The following ADAMTS18 variants were observed in gnomAD, a reference collection of about 807,000 sequenced individuals.
The protein encoded by ADAMTS18 is ADAM metallopeptidase with thrombospondin type 1 motif 18.
In ADAMTS18, 157 loss-of-function variants were observed where a neutral mutation model predicts 165.9. The ratio of observed to expected loss-of-function variants is 0.95; its 90% confidence interval spans 0.83 to 1.08. The LOEUF (loss-of-function observed/expected upper bound fraction) is 1.08. ADAMTS18 is among the 50% of genes least tolerant of loss of function. The probability of loss-of-function intolerance (pLI) is 0.00; values close to 1 mark genes in which losing one functional copy is unlikely to be tolerated. For missense variants in ADAMTS18, 2,040 were observed against 1,534.0 expected, an observed-to-expected ratio of 1.33 and a Z score of -5.51; for synonymous variants, 782 against 578.2, an observed-to-expected ratio of 1.35 and a Z score of -5.06.
chr16:77,397,687 G>T (rs1214145934), intron 3 of ADAMTS18, among the ~76,000 whole-genome samples: 1 of 152,240 alleles, frequency 6.6e-6, no homozygotes, highest in East Asian at 1.9e-4. Context: ...TAGCAGACAT[G>T]TGCTTTGTTT....
intron 3 of ADAMTS18, among the ~76,000 whole-genome samples, chr16:77,395,754 AT>A (rs1470155919): frequency 6.6e-6 from 1 of 152,194 alleles, no homozygotes; most frequent in African/African-American, 2.4e-5. Flanking sequence ...TTAAAAAAAA[AT>A]AGTAATAATG....
intron 3 of ADAMTS18, among the ~76,000 whole-genome samples, chr16:77,411,624 C>T (rs1455746660): frequency 1.3e-5 from 2 of 149,816 alleles, no homozygotes; most frequent in African/African-American, 4.9e-5. Flanking sequence ...GGTGAAAAGG[C>T]CTTGTGATGG....
intron 16 of ADAMTS18, among the ~76,000 whole-genome samples, chr16:77,307,566 T>C (rs2055703979): frequency 6.6e-6 from 1 of 152,200 alleles, no homozygotes. Flanking sequence ...CACAAAAGTA[T>C]TTGCCATGAA....
chr16:77,402,062 T>C (rs1005468685), intron 3 of ADAMTS18, among the ~76,000 whole-genome samples: 11 of 152,300 alleles, frequency 7.2e-5, no homozygotes, highest in South Asian at 2.1e-4. Context: ...TCAGCTTCCA[T>C]AGTGGCACGA....
chr16:77,379,583 G>A (rs2057002651), intron 3 of ADAMTS18, among the ~76,000 whole-genome samples: 2 of 152,244 alleles, frequency 1.3e-5, no homozygotes, highest in Non-Finnish European at 2.9e-5. Context: ...CCACCTCCCA[G>A]GTTCAAGCGA....
In ADAMTS18 at chr16:77,297,347, C is replaced by T. The variant is rs762945673; in HGVS notation, c.2743G>A (p.Ala915Thr). ...GGCTCAGTTACTGGCTTGGTTTTTG[C>T]ACTGCAGAATGAGGAATTGACTTGA... ...NTQVNSSFCS[A>T]KTKPVTEPKI... Residue 915 changes from alanine (A) to threonine (T), a missense_variant, in exon 18 of 23, where the codon GCA becomes ACA. By Grantham distance (58) the Ala-to-Thr change is moderately conservative. Transcript: ENST00000282849. The T allele has an allele frequency of 8.7e-6, 14 of 1,613,946 alleles. No homozygotes were observed. In the African/African-American group the frequency reaches 1.6e-4, roughly 18 times the overall value.
At chr16:77,329,873 T>G (rs2056159231) in intron 12 of ADAMTS18, among the ~76,000 whole-genome samples, 1 of 152,308 alleles carries the variant, frequency 6.6e-6, no homozygotes, top group East Asian at 1.9e-4. Context: ...GGCACATGAT[T>G]TTGTCCTTAT....
chr16:77,304,621 C>T (rs2055648762), intron 16 of ADAMTS18, among the ~76,000 whole-genome samples: 1 of 152,098 alleles, frequency 6.6e-6, no homozygotes, highest in South Asian at 2.1e-4. Context: ...GTAAGACCAG[C>T]AATGATCAGA....
At chr16:77,419,239 G>A (rs1273189744) in intron 3 of ADAMTS18, among the ~76,000 whole-genome samples, 2 of 152,144 alleles carry the variant, frequency 1.3e-5, no homozygotes, top group Non-Finnish European at 2.9e-5. Flanking sequence ...GGGTCTTCAG[G>A]ATGTCACCCA....
At chr16:77,391,541 A>T (rs998750101) in intron 3 of ADAMTS18, among the ~76,000 whole-genome samples, 1 of 152,000 alleles carries the variant, frequency 6.6e-6, no homozygotes, top group Non-Finnish European at 1.5e-5. Flanking sequence ...GAACCTGTCA[A>T]TGTCAAATAA....
At chr16:77,375,111 C>T (rs1399072689) in intron 3 of ADAMTS18, among the ~76,000 whole-genome samples, 1 of 152,020 alleles carries the variant, frequency 6.6e-6, no homozygotes, top group Non-Finnish European at 1.5e-5. Context: ...TGTGGTCTCC[C>T]GTGGCCTCCA....
intron 3 of ADAMTS18, among the ~76,000 whole-genome samples, chr16:77,373,608 C>A (rs542206128): frequency 1.3e-5 from 2 of 151,856 alleles, no homozygotes; most frequent in Non-Finnish European, 2.9e-5. Flanking sequence ...AAATTGGGTG[C>A]GGTGTATACT....
rs1193253099 is a variant in ADAMTS18 at position 77,293,151 on chromosome 16, C to T, written c.3114G>A (p.Glu1038=). 6.2e-7 allele frequency: 1 copy of T among 1,614,048 alleles called. No individual in the cohort carries two copies. The highest frequency in any genetic ancestry group is 8.5e-7 in the Non-Finnish European group (1 of 1,180,006). Residue 1038 remains glutamate (E), a synonymous_variant, in exon 20 of 23, where the codon GAG becomes GAA. Transcript: ENST00000282849. ...ESQCTSLPRP[E]LQEGCVLGRC... ...GTCCAAGCACACAGCCCTCCTGCAG[C>T]TCAGGTCTGGGGAGACTGGTACACT...
chr16:77,391,442 A>G (rs955847361), intron 3 of ADAMTS18, among the ~76,000 whole-genome samples: 7 of 151,740 alleles, frequency 4.6e-5, no homozygotes, highest in Non-Finnish European at 8.8e-5. Flanking sequence ...AGTTAAGTCG[A>G]GATCACACCA....
At chr16:77,385,596 C>G (rs2057095340) in intron 3 of ADAMTS18, among the ~76,000 whole-genome samples, 1 of 152,192 alleles carries the variant, frequency 6.6e-6, no homozygotes, top group Admixed American at 6.5e-5. Context: ...GCCCTGCCTC[C>G]CTTGGAACTG....
rs936080966 is a variant in ADAMTS18, at chr16:77,316,179, G to A, written c.2532+3670C>T. 5.9e-5 allele frequency among the ~76,000 whole-genome samples: 9 copies of A among 152,000 alleles called. 1 individual carries two copies. The highest frequency in any genetic ancestry group is 2.2e-4 in the African/African-American group (9 of 41,382). On this transcript the variant is annotated intron_variant, in intron 16 of 22. Transcript: ENST00000282849. ...TTTCAGCGTCTATTACTCCTTACCT[G>A]GAATTCAAGAACCATTTTCCTATTT...
intron 16 of ADAMTS18, among the ~76,000 whole-genome samples, chr16:77,306,671 A>G (rs968410786): frequency 4.6e-5 from 7 of 152,202 alleles, no homozygotes; most frequent in Non-Finnish European, 1.0e-4. Context: ...CCTGTCCTCA[A>G]TAATGTATTC....
At chr16:77,380,355 T>G (rs1313728313) in intron 3 of ADAMTS18, among the ~76,000 whole-genome samples, 2 of 152,236 alleles carry the variant, frequency 1.3e-5, no homozygotes, top group African/African-American at 4.8e-5. Context: ...TTGATTTAGC[T>G]AATTATAATC....
chr16:77,287,202 G>A (rs947147566), intron 22 of ADAMTS18, among the ~76,000 whole-genome samples: 1 of 152,134 alleles, frequency 6.6e-6, no homozygotes, highest in African/African-American at 2.4e-5. Context: ...ACAGTGGGGG[G>A]CTCAGAGAAG....
Sources: allele counts gnomAD v4.1 joint callset (sites outside exome capture counted in the v4.1 genomes callset), GRCh38; gene constraint gnomAD v4.1.1; transcripts MANE v1.5; gene names NCBI Gene and HGNC (gene_info 2026-07-23, HGNC 2026-07-21).